The following KHNYN variants were observed in gnomAD, a reference collection of about 807,000 sequenced individuals.
The protein encoded by KHNYN is protein KHNYN.
KHNYN carries 42 observed loss-of-function variants against 62.7 expected under a neutral mutation model. The ratio of observed to expected loss-of-function variants is 0.67; its 90% confidence interval spans 0.52 to 0.87. The LOEUF (loss-of-function observed/expected upper bound fraction) is 0.87. Ranked by LOEUF, KHNYN falls within the 40% of genes least tolerant of loss-of-function variation. The pLI is 0.00. For synonymous variants in KHNYN, 347 were observed against 345.6 expected (o/e 1.00, Z -0.04); for missense variants, 829 against 874.1 (o/e 0.95, Z 0.65).
upstream of KHNYN, among the ~76,000 whole-genome samples, chr14:24,424,563 G>C (rs959348573): frequency 6.6e-6 from 1 of 152,072 alleles, no homozygotes; most frequent in African/African-American, 2.4e-5. Context: ...CTTAAAATAG[G>C]GAGATTATCC....
In KHNYN at chr14:24,437,565, C is replaced by T. The variant is rs2043226240; in HGVS notation, c.*280C>T. The T allele has an allele frequency of 6.3e-6, 2 of 315,388 alleles. No homozygotes were observed. 19.5% of individuals were successfully genotyped at this position (315,388 alleles called of 1,614,324 possible). ...TGGGGGCTGCTAGAGGGGATTAGTT[C>T]CGGAGACTGAGACTGTTGGCTCCAC... On this transcript the variant is annotated 3_prime_UTR_variant, in exon 8 of 8. Coordinates refer to ENST00000553935, the MANE Select transcript of KHNYN (RefSeq NM_015299.3). The surrounding 1 kb of genome is among the most constrained non-coding windows in gnomAD (Gnocchi z 5.5).
chr14:24,428,160 T>C, upstream of KHNYN: 1 of 1,404,076 alleles, frequency 7.1e-7, no homozygotes, highest in South Asian at 1.3e-5. Context: ...GGCAGGCCCA[T>C]TCCTCCCCTG....
chr14:24,430,027 C>A lies in KHNYN; in HGVS notation c.-110C>A. 1.0e-6 allele frequency: 1 copy of A among 985,704 alleles called. No individual in the cohort carries two copies. The allele number at this position is 985,704 out of a possible 1,614,324, so 61.1% of individuals were successfully genotyped here. Reference sequence around the variant, plus strand: ...CGGGAAGGCCCGCCCAGATTCGGGCCCCCTGCCCTTGTCCCCTGGGCTGGG... The same window carrying A: ...CGGGAAGGCCCGCCCAGATTCGGGCACCCTGCCCTTGTCCCCTGGGCTGGG... On this transcript the variant is annotated 5_prime_UTR_variant, in exon 1 of 8. Coordinates refer to ENST00000553935, the MANE Select transcript of KHNYN (RefSeq NM_015299.3).
upstream of KHNYN, chr14:24,428,032 C>T (rs2043039248): frequency 6.4e-7 from 1 of 1,566,718 alleles, no homozygotes; most frequent in Admixed American, 1.8e-5. Context: ...GCCCTTAGCT[C>T]AGGACCCCCC....
At position 24,432,337 on chromosome 14, in the gene KHNYN, G is replaced by C. The variant is rs778652297; in HGVS notation, c.1076G>C (p.Ser359Thr). Residue 359 changes from serine (S) to threonine (T), a missense_variant, in exon 3 of 8, where the codon AGC becomes ACC. By Grantham distance (58) the Ser-to-Thr change is moderately conservative. This residue lies in a region of KHNYN where 559 missense variants were observed against 527.0 expected (regional missense o/e 1.06). Transcript: ENST00000553935. The surrounding 1 kb of genome is among the most constrained non-coding windows in gnomAD (Gnocchi z 5.6). ...NGNASPPRVP[S>T]PPPAPEPPWH... The stretch of plus-strand genomic sequence containing the variant: ...AATGCCTCTCCTCCGAGGGTGCCCA[G>C]CCCTCCACCTGCACCGGAACCCCCA... 1.9e-6 allele frequency: 3 copies of C among 1,613,916 alleles called. No individual in the cohort carries two copies. The highest frequency in any genetic ancestry group is 1.7e-6 in the Non-Finnish European group (2 of 1,180,000).
intron 6 of KHNYN, 36 bp from the exon 7 acceptor site, chr14:24,436,352 C>G (rs752922873): frequency 6.3e-7 from 1 of 1,577,296 alleles, no homozygotes; most frequent in Non-Finnish European, 8.7e-7. Flanking sequence ...GGGCAAGGGC[C>G]CCCTCTGTGA....
chr14:24,424,628 A>G (rs1179130921), upstream of KHNYN, among the ~76,000 whole-genome samples: 1 of 152,222 alleles, frequency 6.6e-6, no homozygotes, highest in Non-Finnish European at 1.5e-5. Context: ...AGAACTTTCT[A>G]CACTGAAGTC....
At position 24,439,770 on chromosome 14, in the gene KHNYN, T is replaced by G; in HGVS notation, c.*2485T>G. The G allele has an allele frequency of 4.3e-6, 1 of 233,566 alleles. No individual in the cohort carries two copies. Among genetic ancestry groups the G allele is most frequent in the East Asian group, 8.9e-5 (1 of 11,192 alleles). 14.5% of individuals were successfully genotyped at this position (233,566 alleles called of 1,614,324 possible). On this transcript the variant is annotated 3_prime_UTR_variant, in exon 8 of 8. Transcript: ENST00000553935. ...GGCCAAAGAGATGAGCCAAGGTTAG[T>G]GAGACAATTTATTTTTATTGCCTAA...
chr14:24,431,142 A>G (rs910205823), intron 2 of KHNYN, among the ~76,000 whole-genome samples: 5 of 152,204 alleles, frequency 3.3e-5, no homozygotes, highest in African/African-American at 9.7e-5. Flanking sequence ...TTCTTCTGTG[A>G]TGGCCCAGGC....
At chr14:24,434,405 T>G (rs1028416021) in intron 5 of KHNYN, 52 of 982,804 alleles carry the variant, frequency 5.3e-5, no homozygotes, top group Non-Finnish European at 6.3e-5. Flanking sequence ...ACCATATAAT[T>G]TTTTTTTGGT....
chr14:24,429,848 C>A (rs191717830), upstream of KHNYN: 3 of 1,019,044 alleles, frequency 2.9e-6, no homozygotes, highest in Admixed American at 1.1e-4. Context: ...CTAGGCCGAG[C>A]GGGCCCGTCG....
intron 5 of KHNYN, 48 bp downstream of exon 5, chr14:24,433,080 T>A (rs1359722928): frequency 6.6e-7 from 1 of 1,524,550 alleles, no homozygotes; most frequent in Non-Finnish European, 9.1e-7. Flanking sequence ...AGGAGCCCTA[T>A]GGAAGACTGA....
rs775141271 is a variant in KHNYN, at chr14:24,431,988, G to A, written c.727G>A (p.Gly243Arg). 21 of 1,611,702 alleles carry A rather than the reference G, an allele frequency of 1.3e-5. No homozygotes were observed. Among genetic ancestry groups the A allele is most frequent in the Middle Eastern group, 1.6e-4 (1 of 6,074 alleles). Residue 243 changes from glycine (G) to arginine (R), a missense_variant, in exon 3 of 8, where the codon GGA becomes AGA. Gly to Arg is a moderately radical substitution (Grantham distance 125). Coordinates refer to ENST00000553935, the MANE Select transcript of KHNYN (RefSeq NM_015299.3). ...ESLDTGSMGP[G>R]DCRGARGDTY... ...CCTGGACACTGGATCTATGGGACCC[G>A]GAGATTGCAGGGGAGCAAGGGGAGA...
Position 24,440,224 on chromosome 14 carries a change from A to G in KHNYN, c.*2939A>G. On this transcript the variant is annotated 3_prime_UTR_variant, in exon 8 of 8. Transcript: ENST00000553935. ...GTCGCCCAAAGACAGCTTGCACCAC[A>G]GCGCTGGGGAGAGGGATGAAGGCTC... 6.2e-7 allele frequency: 1 copy of G among 1,613,848 alleles called. No individual in the cohort carries two copies. Among genetic ancestry groups the G allele is most frequent in the Non-Finnish European group, 8.5e-7 (1 of 1,179,726 alleles).
rs1260342270 is a variant in KHNYN at position 24,438,412 on chromosome 14, G to A, written c.*1127G>A. 1 of 152,580 alleles carries A rather than the reference G, an allele frequency of 6.6e-6. No individual in the cohort carries two copies. Among genetic ancestry groups the A allele is most frequent in the Admixed American group, 6.5e-5 (1 of 15,284 alleles). The allele number at this position is 152,580 out of a possible 1,614,324, so 9.5% of individuals were successfully genotyped here. On this transcript the variant is annotated 3_prime_UTR_variant, in exon 8 of 8. Coordinates refer to ENST00000553935, the MANE Select transcript of KHNYN (RefSeq NM_015299.3). Reference sequence around the variant, plus strand: ...AGCAAGGCACACTTCTGCTTTATGTGTGTGTGTATGGGGATGGGAGGACTT... The same window carrying A: ...AGCAAGGCACACTTCTGCTTTATGTATGTGTGTATGGGGATGGGAGGACTT...
chr14:24,433,120 G>C (rs945953494), intron 5 of KHNYN, 88 bp downstream of exon 5: 3 of 1,267,392 alleles, frequency 2.4e-6, no homozygotes, highest in Non-Finnish European at 2.3e-6. Context: ...GGTGGTTTAC[G>C]CTGTTTCTAA....
chr14:24,430,683 T>C, intron 1 of KHNYN, 31 bp from the exon 2 acceptor site: 1 of 1,547,024 alleles, frequency 6.5e-7, no homozygotes, highest in Non-Finnish European at 8.7e-7. Context: ...GAGGGTACAA[T>C]GAGGCTCTGA....
intron 2 of KHNYN, among the ~76,000 whole-genome samples, chr14:24,431,232 G>T (rs1594752606): frequency 6.6e-6 from 1 of 152,212 alleles, no homozygotes; most frequent in East Asian, 1.9e-4. Context: ...AATGCACTGT[G>T]GGGTGGGAGG....
chr14:24,424,307 T>A (rs1296824234), upstream of KHNYN, among the ~76,000 whole-genome samples: 1 of 152,254 alleles, frequency 6.6e-6, no homozygotes, highest in Non-Finnish European at 1.5e-5. Flanking sequence ...TGGTTCACCT[T>A]CTAAAATGAT....
Sources: gnomAD v4.1 joint callset for allele counts (sites outside exome capture counted in the v4.1 genomes callset) on GRCh38, gnomAD v4.1.1 for gene constraint, gnomAD v4.1.1 regional missense constraint, Gnocchi (gnomAD v3.1) non-coding constraint, MANE v1.5 for transcripts, NCBI Gene and HGNC (gene_info 2026-07-23, HGNC 2026-07-21) for gene names.